Variants in SAMD9 observed in about 807,000 individuals in gnomAD.
The protein encoded by SAMD9 is sterile alpha motif domain-containing protein 9.
Under a neutral mutation model 1.5 loss-of-function variants are expected in SAMD9, and 3 were observed. That is an observed-to-expected ratio of 2.05 (90% CI 0.93 to 5.29). The LOEUF is 5.29. Ranked by LOEUF, SAMD9 falls within the 30% of genes most tolerant of loss-of-function variation. SAMD9 has a pLI of 0.02. For synonymous variants in SAMD9, 635 were observed against 631.9 expected, an observed-to-expected ratio of 1.00 and a Z score of -0.07; for missense variants, 1,597 against 1,820.8, an observed-to-expected ratio of 0.88 and a Z score of 2.24.
At chr7:93,112,751 G>A (rs1791767525) in intron 2 of SAMD9, among the ~76,000 whole-genome samples, 1 of 152,164 alleles carries the variant, frequency 6.6e-6, no homozygotes, top group Non-Finnish European at 1.5e-5. Flanking sequence ...TACAAGGGAT[G>A]TGAAAGACCT....
chr7:93,108,659 C>T (rs552219928), intron 2 of SAMD9, among the ~76,000 whole-genome samples: 12 of 152,310 alleles, frequency 7.9e-5, no homozygotes, highest in African/African-American at 2.2e-4. Flanking sequence ...TTATATTCTG[C>T]GCCTGGCTCA....
At chr7:93,106,144 A>T (rs1791641474) in intron 2 of SAMD9, 39 bp from the exon 3 acceptor site, 1 of 1,410,720 alleles carries the variant, frequency 7.1e-7, no homozygotes, top group Admixed American at 2.3e-5. Context: ...GTATTATTAA[A>T]AGTAAAATTT....
rs147157740 is a variant in SAMD9, at chr7:93,105,841, G to A, written c.257C>T (p.Ser86Phe). Residue 86 changes from serine (S) to phenylalanine (F), a missense_variant, in exon 3 of 3, where the codon TCT (serine) becomes TTT (phenylalanine). Ser to Phe is a radical substitution (Grantham distance 155). Coordinates refer to ENST00000379958, the MANE Select transcript of SAMD9 (RefSeq NM_017654.4). ...KTAIEDSIQT[S>F]KMGKPSKNAP... ...ATTTTTACTGGGCTTTCCCATCTTA[G>A]ATGTCTGAATCGAATCTTCAATGGC... 5.9e-3 allele frequency: 9,450 copies of A among 1,614,058 alleles called. 36 individuals carry two copies. Among genetic ancestry groups the A allele is most frequent in the Non-Finnish European group, 7.1e-3 (8,362 of 1,179,988 alleles).
In SAMD9 at chr7:93,102,864, G is replaced by A; in HGVS notation, c.3234C>T (p.Phe1078=). The A allele has an allele frequency of 6.2e-7, 1 of 1,613,816 alleles. No individual in the cohort carries two copies. The highest frequency in any genetic ancestry group is 8.5e-7 in the Non-Finnish European group (1 of 1,179,808). ...EAVLLESIHR[F]NPNAFICQAL... is the part of the protein sequence containing the mutation. Reference sequence around the variant, plus strand: ...CTTGGCAAATGAATGCATTTGGGTTGAACCGATGGATACTTTCAAGCAATA... The same window carrying A: ...CTTGGCAAATGAATGCATTTGGGTTAAACCGATGGATACTTTCAAGCAATA... The change falls in exon 3 of 3, where the codon TTC becomes TTT. Residue 1078 remains phenylalanine, a synonymous_variant. Coordinates refer to ENST00000379958, the MANE Select transcript of SAMD9 (RefSeq NM_017654.4).
intron 2 of SAMD9, among the ~76,000 whole-genome samples, chr7:93,111,668 T>A (rs1791746427): frequency 6.6e-6 from 1 of 152,198 alleles, no homozygotes. Context: ...CATCAGAGAA[T>A]ACTATAAACA....
At chr7:93,108,968 G>T (rs890799566) in intron 2 of SAMD9, among the ~76,000 whole-genome samples, 1 of 152,166 alleles carries the variant, frequency 6.6e-6, no homozygotes, top group Non-Finnish European at 1.5e-5. Context: ...TCCCAGCATG[G>T]AGTTTGAGAT....
At chr7:93,116,301 C>T (rs1019235979) in intron 1 of SAMD9, among the ~76,000 whole-genome samples, 1 of 152,252 alleles carries the variant, frequency 6.6e-6, no homozygotes, top group Non-Finnish European at 1.5e-5. Context: ...TATGTGAAAA[C>T]GTAAAGTCAG....
chr7:93,108,889 C>A (rs1015836843), intron 2 of SAMD9, among the ~76,000 whole-genome samples: 5 of 152,188 alleles, frequency 3.3e-5, no homozygotes, highest in Non-Finnish European at 5.9e-5. Context: ...CATAGCTGAA[C>A]AACAGGCAGA....
At position 93,101,375 on chromosome 7, in the gene SAMD9, C is replaced by T; in HGVS notation, c.4723G>A (p.Gly1575Arg). Residue 1575 changes from glycine (G) to arginine (R), a missense_variant, in exon 3 of 3, where the codon GGA (glycine) becomes AGA (arginine). Transcript: ENST00000379958. The stretch of plus-strand genomic sequence containing the variant: ...GCAAGTGGGCCTCCAATGGAAAATC[C>T]CAGGTAAAAAGACACCTTCTCTATG... ...RSIEKVSFYL[G>R]FSIGGPLAYD... 6.2e-7 allele frequency: 1 copy of T among 1,613,444 alleles called. No individual in the cohort carries two copies. The highest frequency in any genetic ancestry group is 1.1e-5 in the South Asian group (1 of 91,064).
Position 93,101,979 on chromosome 7 carries a change from T to G in SAMD9, c.4119A>C (p.Leu1373Phe). 1.2e-6 allele frequency: 2 copies of G among 1,613,818 alleles called. No individual in the cohort carries two copies. The highest frequency in any genetic ancestry group is 1.7e-4 in the Middle Eastern group (1 of 6,060). The change falls in exon 3 of 3, where the codon TTA becomes TTC. Residue 1373 changes from leucine (L) to phenylalanine (F), a missense_variant. By Grantham distance (22) the Leu-to-Phe change is conservative. Coordinates refer to ENST00000379958, the MANE Select transcript of SAMD9 (RefSeq NM_017654.4). ...KCIVNEYTFLLEQCTVKIQSK... is the reference protein window; with the variant it reads ...KCIVNEYTFLFEQCTVKIQSK... ...ACTGGATTTTGACAGTGCATTGTTC[T>G]AAGAGAAAAGTATATTCGTTCACTA... is the stretch of plus-strand genomic sequence containing the variant.
At position 93,102,413 on chromosome 7, in the gene SAMD9, C is replaced by T. The variant is rs1279886800; in HGVS notation, c.3685G>A (p.Val1229Ile). The change falls in exon 3 of 3, where the codon GTC becomes ATC. Residue 1229 changes from valine to isoleucine, a missense_variant. Around this residue, in one of 6 missense-constraint regions of SAMD9, gnomAD observed 682 missense variants for 810.0 expected, o/e 0.84. Coordinates refer to ENST00000379958, the MANE Select transcript of SAMD9 (RefSeq NM_017654.4). ...TCACTACTTCCTGATACAAAATTGACCATATATCTTTTAGATAGCTCATTT... is the reference window on the plus strand; with the variant it reads ...TCACTACTTCCTGATACAAAATTGATCATATATCTTTTAGATAGCTCATTT... ...NKNELSKRYM[V>I]NFVSGSSDIP... is the part of the protein sequence containing the mutation. The T allele has an allele frequency of 1.9e-6, 3 of 1,612,256 alleles. No individual in the cohort carries two copies. The highest frequency in any genetic ancestry group is 1.1e-5 in the South Asian group (1 of 91,020).
Position 93,105,779 on chromosome 7 carries a change from T to C in SAMD9, c.319A>G (p.Arg107Gly). The change falls in exon 3 of 3, where the codon AGA becomes GGA. Residue 107 changes from arginine (R) to glycine (G), a missense_variant. Physicochemically the swap from Arg to Gly is moderately radical, Grantham distance 125 (BLOSUM62 -2). Coordinates refer to ENST00000379958, the MANE Select transcript of SAMD9 (RefSeq NM_017654.4). ...KDQTVSQKERRETSKQKQKGK... is the reference protein window; with the variant it reads ...KDQTVSQKERGETSKQKQKGK... ...TTTTGTTTTTGCTTTGAAGTTTCTC[T>C]ACGTTCCTTTTGAGACACAGTTTGG... 6.2e-7 allele frequency: 1 copy of C among 1,614,166 alleles called. No individual in the cohort carries two copies. The highest frequency in any genetic ancestry group is 1.1e-5 in the South Asian group (1 of 91,084).
chr7:93,112,459 A>C lies in SAMD9; in HGVS notation c.-9+2336T>G, dbSNP rs1205263328. On this transcript the variant is annotated intron_variant, in intron 2 of 2. Transcript: ENST00000379958. The stretch of plus-strand genomic sequence containing the variant: ...TAGTGTTGGAAGTTCTGGCCAGGGC[A>C]ATTAGGCAGGATAAAGAAATAAAGA... Among the ~76,000 whole-genome samples, 11 of 152,240 alleles carry C rather than the reference A, an allele frequency of 7.2e-5. 1 individual carries two copies. The highest frequency in any genetic ancestry group is 7.2e-4 in the Admixed American group (11 of 15,288).
rs1791858158 is a variant in SAMD9, at chr7:93,117,974, T to C, written c.-221A>G. 1 of 152,210 alleles carries C rather than the reference T, an allele frequency of 6.6e-6. No individual in the cohort carries two copies. Among genetic ancestry groups the C allele is most frequent in the African/African-American group, 2.4e-5 (1 of 41,454 alleles). The allele number at this position is 152,210 out of a possible 1,614,324, so 9.4% of individuals were successfully genotyped here. On this transcript the variant is annotated 5_prime_UTR_variant, in exon 1 of 3. Coordinates refer to ENST00000379958, the MANE Select transcript of SAMD9 (RefSeq NM_017654.4). ...CCTCCTACGATGCTAGAGAAAAGTA[T>C]TTTCCTCATTCTGGTTTTAACGGAA...
At chr7:93,112,089 T>C (rs546576765) in intron 2 of SAMD9, among the ~76,000 whole-genome samples, 1 of 152,248 alleles carries the variant, frequency 6.6e-6, no homozygotes, top group Non-Finnish European at 1.5e-5. Context: ...CAGCAGCACA[T>C]CAAAAAGCTT....
intron 2 of SAMD9, among the ~76,000 whole-genome samples, chr7:93,106,927 G>C (rs968687211): frequency 3.1e-4 from 47 of 152,336 alleles, no homozygotes; most frequent in African/African-American, 8.9e-4. Context: ...AAACATCAGA[G>C]AGGAAGAGAG....
At chr7:93,109,604 G>A (rs1791704600) in intron 2 of SAMD9, among the ~76,000 whole-genome samples, 1 of 152,180 alleles carries the variant, frequency 6.6e-6, no homozygotes, top group Non-Finnish European at 1.5e-5. Flanking sequence ...GCATAGAGAA[G>A]ACCTTAAATG....
intron 2 of SAMD9, among the ~76,000 whole-genome samples, chr7:93,106,560 T>C (rs1211627610): frequency 1.3e-5 from 2 of 152,164 alleles, no homozygotes; most frequent in African/African-American, 4.8e-5. Context: ...TAGACATAGA[T>C]AAAGTAAATA....
Position 93,102,088 on chromosome 7 carries a change from A to C in SAMD9, c.4010T>G (p.Val1337Gly), listed in dbSNP as rs779219130. 1 of 1,613,190 alleles carries C rather than the reference A, an allele frequency of 6.2e-7. No individual in the cohort carries two copies. Among genetic ancestry groups the C allele is most frequent in the East Asian group, 2.2e-5 (1 of 44,868 alleles). Residue 1337 changes from valine (V) to glycine (G), a missense_variant, in exon 3 of 3, where the codon GTA becomes GGA. Around this residue, in one of 6 missense-constraint regions of SAMD9, gnomAD observed 682 missense variants for 810.0 expected, o/e 0.84. Coordinates refer to ENST00000379958, the MANE Select transcript of SAMD9 (RefSeq NM_017654.4). The stretch of plus-strand genomic sequence containing the variant: ...AGAAAACTTGTCTGCTTTTAAAGCT[A>C]CTAGGTTTCTCCTGCATCTCTCTAC... The part of the protein sequence containing the change: ...LQVERCRRNL[V>G]ALKADKFSGL...
Sources: allele counts gnomAD v4.1 joint callset (sites outside exome capture counted in the v4.1 genomes callset), GRCh38; gene constraint gnomAD v4.1.1; regional missense constraint gnomAD v4.1.1; transcripts MANE v1.5; gene names NCBI Gene and HGNC (gene_info 2026-07-23, HGNC 2026-07-21).